Variants in NRG2 observed in about 807,000 individuals in gnomAD.
NRG2 encodes the protein neuregulin 2.
NRG2 carries 27 observed loss-of-function variants against 73.9 expected under a neutral mutation model. The ratio of observed to expected loss-of-function variants is 0.37; its 90% CI spans 0.27 to 0.50. The LOEUF (loss-of-function observed/expected upper bound fraction) is 0.50, where lower values mean the gene tolerates loss of function less well. NRG2 is among the 20% of genes least tolerant of loss of function. NRG2 has a pLI of 0.96. For missense variants in NRG2, 1,126 were observed against 1,210.1 expected (o/e 0.93, Z 1.03); for synonymous variants, 532 against 541.0 (o/e 0.98, Z 0.23).
intron 1 of NRG2, among the ~76,000 whole-genome samples, chr5:139,918,844 G>A (rs926290656): frequency 1.3e-5 from 2 of 152,086 alleles, no homozygotes; most frequent in African/African-American, 4.8e-5. Flanking sequence ...GTAGACAGAG[G>A]AAGGCAGAAG....
intron 1 of NRG2, among the ~76,000 whole-genome samples, chr5:139,968,145 C>A (rs1482545515): frequency 6.6e-6 from 1 of 152,144 alleles, no homozygotes; most frequent in African/African-American, 2.4e-5. Flanking sequence ...CAGCTCAAGT[C>A]AGGCCTTCCC....
chr5:140,024,857 T>G (rs970228018), intron 1 of NRG2, among the ~76,000 whole-genome samples: 3 of 152,218 alleles, frequency 2.0e-5, no homozygotes, highest in Non-Finnish European at 1.5e-5. Flanking sequence ...AGGATTTTGC[T>G]AAACTTTTCT....
In NRG2 at chr5:139,853,049, G is replaced by T. The variant is rs201031001; in HGVS notation, c.1293-22C>A. 10 of 1,612,568 alleles carry T rather than the reference G, an allele frequency of 6.2e-6. No homozygotes were observed. Among genetic ancestry groups the T allele is most frequent in the Non-Finnish European group, 8.5e-6 (10 of 1,179,502 alleles). ...TTTTCTGCACAAGGGAAGGGAAGGTGAGGCTGGCATTCCCCCCACTCGCCA... is the reference window on the plus strand; with the variant it reads ...TTTTCTGCACAAGGGAAGGGAAGGTTAGGCTGGCATTCCCCCCACTCGCCA... On this transcript the variant is annotated intron_variant, in intron 6 of 9. Coordinates refer to ENST00000361474, the MANE Select transcript of NRG2 (RefSeq NM_004883.3). This position sits in a 1 kb window ranked among gnomAD's most constrained non-coding sequence, Gnocchi z 4.1.
Position 139,851,925 on chromosome 5 carries a change from C to T in NRG2, c.1545-94G>A. ...ATGGACCTCCCTGGCTCTTCTTCCA[C>T]CTCGAGCTCCCTTAGCTCAATGCCC... On this transcript the variant is annotated intron_variant, in intron 8 of 9. Transcript: ENST00000361474. The surrounding 1 kb of genome is among the most constrained non-coding windows in gnomAD (Gnocchi z 4.2). The T allele has an allele frequency of 9.8e-7, 1 of 1,022,558 alleles. No homozygotes were observed. Among genetic ancestry groups the T allele is most frequent in the Non-Finnish European group, 1.5e-6 (1 of 680,830 alleles). 63.3% of individuals were successfully genotyped at this position (1,022,558 alleles called of 1,614,324 possible).
At chr5:139,897,758 A>G (rs945323681) in intron 1 of NRG2, among the ~76,000 whole-genome samples, 4 of 152,080 alleles carry the variant, frequency 2.6e-5, no homozygotes, top group African/African-American at 9.7e-5. Context: ...TTCCCACCCA[A>G]CACTCCTCCC....
intron 1 of NRG2, among the ~76,000 whole-genome samples, chr5:139,922,142 G>A (rs1287411250): frequency 6.7e-6 from 1 of 150,206 alleles, no homozygotes; most frequent in African/African-American, 2.4e-5. Flanking sequence ...AAGAAGACAA[G>A]CAATAAACAG....
Position 139,847,069 on chromosome 5 carries a change from C to A in NRG2, c.*848G>T, listed in dbSNP as rs1401847005. On this transcript the variant is annotated 3_prime_UTR_variant, in exon 10 of 10. Coordinates refer to ENST00000361474, the MANE Select transcript of NRG2 (RefSeq NM_004883.3). ...GGGAATACACTGTCGAGTGGCTCTT[C>A]TCGGTCCCAGCGTGACCATGCATCC... is the stretch of plus-strand genomic sequence containing the variant. The A allele has an allele frequency of 6.6e-6, 1 of 152,218 alleles. No homozygotes were observed. The highest frequency in any genetic ancestry group is 1.5e-5 in the Non-Finnish European group (1 of 68,032). 9.4% of individuals were successfully genotyped at this position (152,218 alleles called of 1,614,324 possible). A position where few individuals can be genotyped will look rare whatever the true frequency, so the allele number is the denominator to read the frequency against.
rs1172040323 is a variant in NRG2 at position 140,042,500 on chromosome 5, C to A, written c.570G>T (p.Arg190Ser). The change falls in exon 1 of 10, where the codon AGG (arginine) becomes AGT (serine). Residue 190 changes from arginine to serine, a missense_variant. Arg to Ser is a moderately radical substitution (Grantham distance 110, BLOSUM62 -1). Transcript: ENST00000361474. ...CCAGGAAAAAGATGTAGCGCTGGTT[C>A]CTTTCGAGCGGCACACAGGAGCCCA... Reference protein sequence around the residue: ...ISVGSCVPLERNQRYIFFLEP... With the variant: ...ISVGSCVPLESNQRYIFFLEP... 6.2e-7 allele frequency: 1 copy of A among 1,613,634 alleles called. No homozygotes were observed. The highest frequency in any genetic ancestry group is 1.3e-5 in the African/African-American group (1 of 74,860).
rs1327302576 is a variant in NRG2, at chr5:139,904,969, C to G, written c.701-17458G>C. Among the ~76,000 whole-genome samples the G allele has an allele frequency of 1.3e-5, 2 of 152,226 alleles. No homozygotes were observed. The highest frequency in any genetic ancestry group is 2.9e-5 in the Non-Finnish European group (2 of 68,030). ...ATGCCTGCAGGTCTGGCCTCAGCCC[C>G]GTGGGATACCGCCATCTGGGGAACA... On this transcript the variant is annotated intron_variant, in intron 1 of 9. Transcript: ENST00000361474. The surrounding 1 kb of genome is among the most constrained non-coding windows in gnomAD (Gnocchi z 6.0).
intron 1 of NRG2, among the ~76,000 whole-genome samples, chr5:139,906,508 C>T (rs776032533): frequency 1.1e-4 from 16 of 152,168 alleles, no homozygotes; most frequent in Non-Finnish European, 1.5e-4. Context: ...TTTGCACATA[C>T]TATACTAATC....
intron 1 of NRG2, among the ~76,000 whole-genome samples, chr5:139,919,911 G>C (rs149530280): frequency 6.6e-6 from 1 of 152,340 alleles, no homozygotes; most frequent in East Asian, 1.9e-4. Context: ...AAAGACTGTG[G>C]AGGGCAGTAA....
intron 1 of NRG2, among the ~76,000 whole-genome samples, chr5:139,942,382 A>G (rs1753466850): frequency 6.6e-6 from 1 of 152,312 alleles, no homozygotes; most frequent in Middle Eastern, 3.4e-3. Flanking sequence ...AATTTCCCCA[A>G]TTAAGCCTTT....
intron 3 of NRG2, among the ~76,000 whole-genome samples, chr5:139,875,021 T>A (rs1262135162): frequency 6.6e-6 from 1 of 152,204 alleles, no homozygotes; most frequent in East Asian, 1.9e-4. Flanking sequence ...TTTGCTTTCT[T>A]TTTTCCCCAA....
At chr5:139,855,608 T>C (rs556550014) in intron 6 of NRG2, 68 bp downstream of exon 6, 274 of 1,338,602 alleles carry the variant, frequency 2.0e-4, no homozygotes, top group South Asian at 4.3e-4. Context: ...GAAAGTCTTC[T>C]TCACACACAT....
chr5:139,950,170 T>C (rs1754094084), intron 1 of NRG2, among the ~76,000 whole-genome samples: 1 of 152,226 alleles, frequency 6.6e-6, no homozygotes, highest in African/African-American at 2.4e-5. Flanking sequence ...TCTTCTTCGT[T>C]CCTCAGAAGG....
intron 1 of NRG2, among the ~76,000 whole-genome samples, chr5:139,914,253 G>A (rs79735189): frequency 0.012 from 1,811 of 152,284 alleles, 33 homozygotes; most frequent in African/African-American, 0.041. Flanking sequence ...AGGTCTGGAG[G>A]TGGGATGCGA....
intron 1 of NRG2, among the ~76,000 whole-genome samples, chr5:139,986,037 G>A (rs965359457): frequency 6.6e-6 from 1 of 152,164 alleles, no homozygotes; most frequent in Non-Finnish European, 1.5e-5. Flanking sequence ...ACATAGGCAG[G>A]CTATAAACAT....
At chr5:140,012,175 T>C (rs1759415287) in intron 1 of NRG2, among the ~76,000 whole-genome samples, 1 of 152,194 alleles carries the variant, frequency 6.6e-6, no homozygotes, top group Non-Finnish European at 1.5e-5. Context: ...CTCATTAACT[T>C]TGACTTGTTC....
At chr5:139,859,880 G>A (rs1762040075) in intron 5 of NRG2, 2 of 1,611,396 alleles carry the variant, frequency 1.2e-6, no homozygotes, top group Middle Eastern at 1.7e-4. Flanking sequence ...ACACACAGAG[G>A]TTTCATACCC....
Sources: allele counts gnomAD v4.1 joint callset (sites outside exome capture counted in the v4.1 genomes callset), GRCh38; gene constraint gnomAD v4.1.1; non-coding constraint Gnocchi (gnomAD v3.1); transcripts MANE v1.5; gene names NCBI Gene and HGNC (gene_info 2026-07-23, HGNC 2026-07-21).